The following GRIK3 variants were observed in gnomAD, a reference collection of about 807,000 sequenced individuals.
GRIK3 encodes the protein glutamate receptor ionotropic, kainate 3.
In GRIK3, 29 loss-of-function variants were observed where a neutral mutation model predicts 102.5. That is an observed-to-expected ratio of 0.28 (90% CI 0.21 to 0.39). The LOEUF is 0.39. Among genes scored for constraint, GRIK3 ranks in the 10% least tolerant of loss-of-function variants. The probability of loss-of-function intolerance (pLI) is 1.00; values close to 1 mark genes in which losing one functional copy is unlikely to be tolerated. For synonymous variants in GRIK3, 511 were observed against 504.9 expected, an observed-to-expected ratio of 1.01 and a Z score of -0.16; for missense variants, 908 against 1,252.4, an observed-to-expected ratio of 0.73 and a Z score of 4.15.
chr1:36,949,574 C>CTTT (rs60157852), intron 1 of GRIK3, among the ~76,000 whole-genome samples: 493 of 99,682 alleles, frequency 4.9e-3, no homozygotes, highest in Non-Finnish European at 6.3e-3. Context: ...CTCTCTCTTT[C>CTTT]TTTTTTTTTT....
In GRIK3 at chr1:36,850,283, C is replaced by T; in HGVS notation, c.1326+28G>A. On this transcript the variant is annotated intron_variant, in intron 9 of 15. Coordinates refer to ENST00000373091, the MANE Select transcript of GRIK3 (RefSeq NM_000831.4). The surrounding 1 kb of genome is among the most constrained non-coding windows in gnomAD (Gnocchi z 4.0). The stretch of plus-strand genomic sequence containing the variant: ...CCACCCCACCCCCAGGTCGGACAGT[C>T]CTTCCTGCAGGGGCTGCAGGCTCTT... The T allele has an allele frequency of 6.9e-7, 1 of 1,444,058 alleles. No individual in the cohort carries two copies. 89.5% of individuals were successfully genotyped at this position (1,444,058 alleles called of 1,614,324 possible). A position where few individuals can be genotyped will look rare whatever the true frequency, so the allele number is the denominator to read the frequency against.
At chr1:36,992,854 G>T (rs772398791) in intron 1 of GRIK3, among the ~76,000 whole-genome samples, 2 of 152,142 alleles carry the variant, frequency 1.3e-5, no homozygotes, top group Non-Finnish European at 2.9e-5. Flanking sequence ...GCACAAAAAG[G>T]CTACTGAACC....
chr1:36,951,789 G>T (rs928626256), intron 1 of GRIK3, among the ~76,000 whole-genome samples: 2 of 152,036 alleles, frequency 1.3e-5, no homozygotes, highest in African/African-American at 4.8e-5. Flanking sequence ...GGAAGACGAG[G>T]AGGAGGGAGA....
At chr1:37,005,509 T>A (rs1332482483) in intron 1 of GRIK3, among the ~76,000 whole-genome samples, 1 of 152,060 alleles carries the variant, frequency 6.6e-6, no homozygotes, top group Non-Finnish European at 1.5e-5. Context: ...AGGCACTGGG[T>A]CCCTAACAAC....
chr1:36,888,453 C>A (rs1481825087), intron 2 of GRIK3, among the ~76,000 whole-genome samples: 1 of 152,090 alleles, frequency 6.6e-6, no homozygotes, highest in Non-Finnish European at 1.5e-5. Flanking sequence ...GTGGCAGTTC[C>A]TTTTTTCTTG....
At chr1:37,032,006 T>C (rs1295127893) in intron 1 of GRIK3, among the ~76,000 whole-genome samples, 2 of 152,194 alleles carry the variant, frequency 1.3e-5, no homozygotes, top group South Asian at 2.1e-4. Context: ...GGGGCAGGGC[T>C]CTTGGATATA....
At chr1:37,000,961 T>C (rs1642469970) in intron 1 of GRIK3, among the ~76,000 whole-genome samples, 1 of 152,218 alleles carries the variant, frequency 6.6e-6, no homozygotes, top group South Asian at 2.1e-4. Context: ...CTGATTCCAC[T>C]TAATCCTCTG....
intron 1 of GRIK3, among the ~76,000 whole-genome samples, chr1:36,920,611 T>G (rs1052814268): frequency 2.0e-5 from 3 of 152,166 alleles, no homozygotes; most frequent in African/African-American, 7.2e-5. Context: ...TGAAGACCCC[T>G]ACAGTTACTG....
intron 1 of GRIK3, among the ~76,000 whole-genome samples, chr1:36,896,958 T>A (rs574577844): frequency 6.6e-6 from 1 of 152,300 alleles, no homozygotes; most frequent in South Asian, 2.1e-4. Flanking sequence ...CTATTCATGA[T>A]AAAAGACACT....
intron 1 of GRIK3, among the ~76,000 whole-genome samples, chr1:36,996,331 C>A (rs189223490): frequency 6.6e-5 from 10 of 152,372 alleles, no homozygotes; most frequent in Admixed American, 5.9e-4. Flanking sequence ...ACATTGAACA[C>A]AAGGCTTATG....
At chr1:36,841,682 T>C (rs1384063412) in intron 10 of GRIK3, 54 bp downstream of exon 10, 1 of 1,468,842 alleles carries the variant, frequency 6.8e-7, no homozygotes, top group African/African-American at 1.4e-5. Flanking sequence ...CAGACAGTTC[T>C]AGGCCAAGTC....
chr1:36,843,952 A>G (rs1177079913), intron 9 of GRIK3, among the ~76,000 whole-genome samples: 2 of 152,212 alleles, frequency 1.3e-5, no homozygotes, highest in African/African-American at 2.4e-5. Context: ...CCTTGACCTC[A>G]TGAGCCCCAG....
rs970343632 is a variant in GRIK3, at chr1:36,893,426, G to A, written c.116-2330C>T. On this transcript the variant is annotated intron_variant, in intron 1 of 15. Coordinates refer to ENST00000373091, the MANE Select transcript of GRIK3 (RefSeq NM_000831.4). The stretch of plus-strand genomic sequence containing the variant: ...AAAATAATACAAAGGGGCTATTAAT[G>A]TATGAAGAAGTGTGCAACTTCCCTA... Among the ~76,000 whole-genome samples the A allele has an allele frequency of 5.3e-5, 8 of 152,192 alleles. 1 individual carries two copies. Among genetic ancestry groups the A allele is most frequent in the Admixed American group, 4.6e-4 (7 of 15,282 alleles).
At chr1:37,029,349 G>A (rs1401384138) in intron 1 of GRIK3, among the ~76,000 whole-genome samples, 1 of 152,216 alleles carries the variant, frequency 6.6e-6, no homozygotes, top group Admixed American at 6.5e-5. Flanking sequence ...TTGCCAGGCG[G>A]GGTGTGCAAA....
intron 1 of GRIK3, among the ~76,000 whole-genome samples, chr1:36,984,710 C>G (rs1642286611): frequency 6.6e-6 from 1 of 152,240 alleles, no homozygotes; most frequent in South Asian, 2.1e-4. Context: ...GTCCCAATCC[C>G]CTTTTTCATG....
At chr1:36,990,049 A>G (rs1016977039) in intron 1 of GRIK3, among the ~76,000 whole-genome samples, 14 of 152,160 alleles carry the variant, frequency 9.2e-5, no homozygotes, top group African/African-American at 3.4e-4. Context: ...GGGGCGGTGT[A>G]GCTTCTGAGT....
intron 7 of GRIK3, among the ~76,000 whole-genome samples, chr1:36,858,425 A>G (rs890030199): frequency 3.3e-5 from 5 of 152,226 alleles, no homozygotes; most frequent in Non-Finnish European, 7.3e-5. Flanking sequence ...CAAAGCTTAC[A>G]AGGACAGTGG....
At chr1:36,832,086 TACTGCTC>T (rs1557696099) in intron 10 of GRIK3, among the ~76,000 whole-genome samples, 6 of 566 alleles carry the variant, frequency 0.011, no homozygotes, top group African/African-American at 0.035. Context: ...GCGACTGCTC[TACTGCTC>T]TCATCGCACC....
intron 5 of GRIK3, among the ~76,000 whole-genome samples, chr1:36,866,861 GTCTGTCCATCCA>G (rs1285344916): frequency 4.6e-5 from 7 of 152,148 alleles, no homozygotes; most frequent in Non-Finnish European, 8.8e-5. Context: ...CCATCCAGCC[GTCTGTCCATCCA>G]TCTGTCCATC....
Sources: allele counts gnomAD v4.1 joint callset (sites outside exome capture counted in the v4.1 genomes callset), GRCh38; gene constraint gnomAD v4.1.1; non-coding constraint Gnocchi (gnomAD v3.1); transcripts MANE v1.5; gene names NCBI Gene and HGNC (gene_info 2026-07-23, HGNC 2026-07-21).